Variants in CSF1 observed in about 807,000 individuals in gnomAD.
CSF1 encodes the protein macrophage colony-stimulating factor 1.
Under a neutral mutation model 48.9 loss-of-function variants are expected in CSF1, and 9 were observed. The ratio of observed to expected loss-of-function variants is 0.18; its 90% CI spans 0.11 to 0.32. The LOEUF (loss-of-function observed/expected upper bound fraction) is 0.32. Among genes scored for constraint, CSF1 ranks in the 10% least tolerant of loss-of-function variants. CSF1 has a pLI of 1.00. For synonymous variants in CSF1, 305 were observed against 284.1 expected, an observed-to-expected ratio of 1.07 and a Z score of -0.74; for missense variants, 672 against 697.9, an observed-to-expected ratio of 0.96 and a Z score of 0.42.
At position 109,923,880 on chromosome 1, in the gene CSF1, C is replaced by G; in HGVS notation, c.1259C>G (p.Ser420Cys). The G allele has an allele frequency of 6.2e-7, 1 of 1,614,118 alleles. No homozygotes were observed. Among genetic ancestry groups the G allele is most frequent in the Non-Finnish European group, 8.5e-7 (1 of 1,179,928 alleles). ...GGCCTCAGCAACCCCTCCACCCTCT[C>G]TGCTCAGCCACAGCTTTCCAGAAGC... ...PQGLSNPSTLSAQPQLSRSHS... is the reference protein window; with the variant it reads ...PQGLSNPSTLCAQPQLSRSHS... The change falls in exon 6 of 9, where the codon TCT becomes TGT. Residue 420 changes from serine (S) to cysteine (C), a missense_variant. Ser to Cys is a moderately radical substitution (Grantham distance 112). Coordinates refer to ENST00000329608, the MANE Select transcript of CSF1 (RefSeq NM_000757.6).
At chr1:109,910,825 A>T, upstream of CSF1, 1 of 230,382 alleles carries the variant, frequency 4.3e-6, no homozygotes, top group Non-Finnish European at 8.1e-6. Flanking sequence ...CTCTCTTAAA[A>T]GGCTGTGCCG....
intron 3 of CSF1, 76 bp from the exon 4 acceptor site, chr1:109,917,217 A>G: frequency 6.6e-7 from 1 of 1,505,794 alleles, no homozygotes; most frequent in Non-Finnish European, 9.0e-7. Flanking sequence ...GCAAGCTGCA[A>G]CCCTCCATCT....
At chr1:109,911,524 G>T (rs1379487555) in intron 1 of CSF1, among the ~76,000 whole-genome samples, 1 of 152,170 alleles carries the variant, frequency 6.6e-6, no homozygotes, top group Non-Finnish European at 1.5e-5. Context: ...GAAAGTTCAG[G>T]GGGTCAACCA....
At chr1:109,915,613 T>C (rs763597725) in intron 2 of CSF1, 21 bp from the exon 3 acceptor site, 3 of 1,610,180 alleles carry the variant, frequency 1.9e-6, no homozygotes, top group Admixed American at 3.3e-5. Context: ...CCTGCAATCG[T>C]TGGCCTGCTC....
chr1:109,925,045 G>T, intron 7 of CSF1, 102 bp from the exon 8 acceptor site: 1 of 1,160,570 alleles, frequency 8.6e-7, no homozygotes, highest in Non-Finnish European at 1.3e-6. Context: ...TTCAATCTGA[G>T]AGGGCCTAGA....
Position 109,924,161 on chromosome 1 carries a change from G to A in CSF1, c.1540G>A (p.Gly514Ser). ...CATCCTGGTCTTGCTGGCCGTCGGA[G>A]GCCTCTTGTTCTACAGGTGGAGGCG... ...SVILVLLAVG[G>S]LLFYRWRRRS... The change falls in exon 6 of 9, where the codon GGC becomes AGC. Residue 514 changes from glycine to serine, a missense_variant. By Grantham distance (56) the Gly-to-Ser change is moderately conservative (BLOSUM62 0). Coordinates refer to ENST00000329608, the MANE Select transcript of CSF1 (RefSeq NM_000757.6). 5 of 1,613,032 alleles carry A rather than the reference G, an allele frequency of 3.1e-6. No homozygotes were observed. The highest frequency in any genetic ancestry group is 4.2e-6 in the Non-Finnish European group (5 of 1,179,450).
upstream of CSF1, chr1:109,910,729 C>G: frequency 3.0e-6 from 1 of 337,336 alleles, no homozygotes. Context: ...GTGTGTGTGT[C>G]TGTGTCAGTG....
chr1:109,912,319 A>G (rs1160362899), intron 1 of CSF1, among the ~76,000 whole-genome samples: 1 of 152,116 alleles, frequency 6.6e-6, no homozygotes, highest in East Asian at 1.9e-4. Context: ...GTGGCAGAGG[A>G]GGCTGGACAG....
rs1410663662 is a variant in CSF1 at position 109,923,416 on chromosome 1, G to A, written c.795G>A (p.Glu265=). 2 of 1,613,908 alleles carry A rather than the reference G, an allele frequency of 1.2e-6. No homozygotes were observed. The highest frequency in any genetic ancestry group is 1.7e-6 in the Non-Finnish European group (2 of 1,179,994). The change falls in exon 6 of 9, where the codon GAG becomes GAA. Residue 265 remains glutamate (E), a synonymous_variant. Transcript: ENST00000329608. ...CCTGCCAGAGCTTTGAGCCGCCAGA[G>A]ACCCCAGTTGTCAAGGACAGCACCA... The part of the protein sequence containing the change: ...RSTCQSFEPP[E]TPVVKDSTIG...
intron 3 of CSF1, 68 bp from the exon 4 acceptor site, chr1:109,917,225 T>A: frequency 1.3e-6 from 2 of 1,540,188 alleles, no homozygotes; most frequent in Non-Finnish European, 1.8e-6. Flanking sequence ...CAACCCTCCA[T>A]CTGCCTGGGG....
intron 8 of CSF1, chr1:109,926,643 C>A (rs1357302912): frequency 1.3e-5 from 2 of 148,452 alleles, no homozygotes; most frequent in Non-Finnish European, 3.0e-5. Flanking sequence ...GCCAGCCCAT[C>A]AGGAAGCCTT....
At chr1:109,925,494 C>G (rs1350952684) in intron 8 of CSF1, among the ~76,000 whole-genome samples, 1 of 152,172 alleles carries the variant, frequency 6.6e-6, no homozygotes, top group African/African-American at 2.4e-5. Flanking sequence ...ACTAAACCCC[C>G]CTTTTTCAAA....
intron 4 of CSF1, among the ~76,000 whole-genome samples, chr1:109,921,231 C>G (rs868801044): frequency 6.6e-6 from 1 of 152,206 alleles, no homozygotes; most frequent in Non-Finnish European, 1.5e-5. Flanking sequence ...AGACCTGGCC[C>G]TTGCTAACCT....
intron 8 of CSF1, among the ~76,000 whole-genome samples, chr1:109,925,807 G>A (rs1647821706): frequency 6.6e-6 from 1 of 152,112 alleles, no homozygotes; most frequent in Non-Finnish European, 1.5e-5. Context: ...CCAGCCAGCT[G>A]GCTGTCACAC....
chr1:109,911,593 G>A (rs1376650890), intron 1 of CSF1, among the ~76,000 whole-genome samples: 1 of 151,886 alleles, frequency 6.6e-6, no homozygotes, highest in African/African-American at 2.4e-5. Flanking sequence ...GCCACTGCTT[G>A]TTCCAGCCCA....
chr1:109,911,350 C>T (rs563916536), intron 1 of CSF1, among the ~76,000 whole-genome samples: 7 of 152,316 alleles, frequency 4.6e-5, no homozygotes, highest in African/African-American at 1.4e-4. Flanking sequence ...CAGGCAGGAG[C>T]CCCCGCTCAG....
chr1:109,929,728 T>A lies in CSF1; in HGVS notation c.*890T>A. On this transcript the variant is annotated 3_prime_UTR_variant, in exon 9 of 9. Transcript: ENST00000329608. The stretch of plus-strand genomic sequence containing the variant: ...CGTCCGTCCTCCACTCTCCAGCCTC[T>A]CCCCAGCCTCCTGCACTGAGCTGGC... 6.5e-6 allele frequency: 1 copy of A among 154,426 alleles called. No homozygotes were observed. The highest frequency in any genetic ancestry group is 1.4e-5 in the Non-Finnish European group (1 of 69,516). 9.6% of individuals were successfully genotyped at this position (154,426 alleles called of 1,614,324 possible).
intron 4 of CSF1, among the ~76,000 whole-genome samples, chr1:109,919,339 T>C (rs928534267): frequency 2.6e-5 from 4 of 152,110 alleles, no homozygotes; most frequent in Admixed American, 6.5e-5. Flanking sequence ...CCAGGCTCAA[T>C]TGATCCTCTG....
At position 109,925,159 on chromosome 1, in the gene CSF1, G is replaced by A. The variant is rs1341777653; in HGVS notation, c.1635G>A (p.Gln545=). 1.2e-6 allele frequency: 2 copies of A among 1,613,962 alleles called. No individual in the cohort carries two copies. Among genetic ancestry groups the A allele is most frequent in the Admixed American group, 3.3e-5 (2 of 60,006 alleles). The part of the protein sequence containing the change: ...LEQPEGSPLT[Q]DDRQVELPV ...GCTCTGCCTGCAGCCCCCTGACTCA[G>A]GATGACAGACAGGTGGAACTGCCAG... is the stretch of plus-strand genomic sequence containing the variant. Residue 545 remains glutamine, a synonymous_variant, in exon 8 of 9, where the codon CAG becomes CAA. Transcript: ENST00000329608.
Sources: allele counts gnomAD v4.1 joint callset (sites outside exome capture counted in the v4.1 genomes callset), GRCh38; gene constraint gnomAD v4.1.1; transcripts MANE v1.5; gene names NCBI Gene and HGNC (gene_info 2026-07-23, HGNC 2026-07-21).